ENPEP: variants seen among roughly 807,000 people sequenced by gnomAD.
ENPEP encodes glutamyl aminopeptidase.
In ENPEP, 103 loss-of-function variants were observed where a neutral mutation model predicts 114.5. The observed-to-expected ratio is 0.90, with a 90% CI of 0.77 to 1.06. The LOEUF (loss-of-function observed/expected upper bound fraction) is 1.06. Among genes scored for constraint, ENPEP ranks in the 50% least tolerant of loss-of-function variants. The pLI is 0.00. For missense variants in ENPEP, 1,196 were observed against 1,161.3 expected, an observed-to-expected ratio of 1.03 and a Z score of -0.43; for synonymous variants, 420 against 422.0, an observed-to-expected ratio of 1.00 and a Z score of 0.06.
Position 110,488,682 on chromosome 4 carries a change from GGTAA to G in ENPEP, c.786+4_786+7del, listed in dbSNP as rs1560551623. On this transcript the variant is annotated splice_donor_variant and splice_donor_region_variant and intron_variant, in intron 2 of 19. Transcript: ENST00000265162. LOFTEE classifies it high-confidence loss of function. ...GAGCACTTTCAAATATGCCAGTGGC[GGTAA>G]GTATTTTTTAAATGTTTTGTTTATG... 1.2e-6 allele frequency: 2 copies of G among 1,606,346 alleles called. No individual in the cohort carries two copies. The highest frequency in any genetic ancestry group is 1.7e-5 in the Admixed American group (1 of 57,898).
In ENPEP at chr4:110,476,388, G is replaced by A. The variant is rs1724096939; in HGVS notation, c.-27G>A. 2 of 1,508,764 alleles carry A rather than the reference G, an allele frequency of 1.3e-6. No individual in the cohort carries two copies. The highest frequency in any genetic ancestry group is 8.9e-7 in the Non-Finnish European group (1 of 1,127,520). The allele number at this position is 1,508,764 out of a possible 1,614,324, so 93.5% of individuals were successfully genotyped here. On this transcript the variant is annotated 5_prime_UTR_variant, in exon 1 of 20. The change creates a new upstream start codon in the 5' untranslated region. Coordinates refer to ENST00000265162, the MANE Select transcript of ENPEP (RefSeq NM_001977.4). ...TTAGTTAAATTTAACATCTTTTTAT[G>A]TGTAACACTTGACTTTGGAAGCAAA...
chr4:110,536,693 T>G lies in ENPEP; in HGVS notation c.1807+5416T>G, dbSNP rs190269704. Among the ~76,000 whole-genome samples, 7 of 152,296 alleles carry G rather than the reference T, an allele frequency of 4.6e-5. No individual in the cohort carries two copies. In the East Asian group the frequency reaches 1.4e-3, roughly 29 times the overall value. The stretch of plus-strand genomic sequence containing the variant: ...TTGGCACCTACTTCCATGGGCACAC[T>G]GGAGACACATTGACAGATCTTCACT... On this transcript the variant is annotated intron_variant, in intron 11 of 19. Coordinates refer to ENST00000265162, the MANE Select transcript of ENPEP (RefSeq NM_001977.4).
chr4:110,541,331 C>G lies in ENPEP; in HGVS notation c.1808-1420C>G, dbSNP rs542069110. ...CATATTTCCTCCCAAACTGACTCAC[C>G]TTCCTCTATTCTCTACTGGCAGCAC... On this transcript the variant is annotated intron_variant, in intron 11 of 19. Transcript: ENST00000265162. 2.0e-5 allele frequency among the ~76,000 whole-genome samples: 3 copies of G among 152,212 alleles called. No homozygotes were observed. In the South Asian group the frequency reaches 6.2e-4, roughly 32 times the overall value.
chr4:110,484,939 A>T (rs938176597), intron 1 of ENPEP, among the ~76,000 whole-genome samples: 33 of 148,774 alleles, frequency 2.2e-4, no homozygotes, highest in Non-Finnish European at 3.9e-4. Flanking sequence ...GCACACTCAC[A>T]CACACTCATC....
intron 13 of ENPEP, among the ~76,000 whole-genome samples, chr4:110,543,442 C>A (rs533440253): frequency 6.6e-6 from 1 of 151,926 alleles, no homozygotes; most frequent in Admixed American, 6.6e-5. Flanking sequence ...TCTGTGAGCC[C>A]GAGCCCAGTG....
chr4:110,497,457 A>G (rs1724986600), intron 3 of ENPEP, among the ~76,000 whole-genome samples: 1 of 152,142 alleles, frequency 6.6e-6, no homozygotes, highest in Non-Finnish European at 1.5e-5. Context: ...AAATAATAAA[A>G]ATAATGTAAG....
intron 10 of ENPEP, among the ~76,000 whole-genome samples, chr4:110,522,209 C>A (rs1290213867): frequency 6.6e-6 from 1 of 150,414 alleles, no homozygotes; most frequent in African/African-American, 2.4e-5. Flanking sequence ...TTGAGACAAA[C>A]TCTCACTCTG....
At chr4:110,519,245 C>T in intron 8 of ENPEP, 1 of 346,476 alleles carries the variant, frequency 2.9e-6, no homozygotes, top group Non-Finnish European at 5.9e-6. Context: ...TTAGGTACAG[C>T]ACCTACTGAA....
chr4:110,476,194 C>T lies in ENPEP; in HGVS notation c.-221C>T, dbSNP rs1724089180. 2 of 527,440 alleles carry T rather than the reference C, an allele frequency of 3.8e-6. No homozygotes were observed. Among genetic ancestry groups the T allele is most frequent in the Non-Finnish European group, 3.2e-6 (1 of 307,712 alleles). 32.7% of individuals were successfully genotyped at this position (527,440 alleles called of 1,614,324 possible). On this transcript the variant is annotated 5_prime_UTR_variant, in exon 1 of 20. Coordinates refer to ENST00000265162, the MANE Select transcript of ENPEP (RefSeq NM_001977.4). ...TCCCACTCGGCTCCTCTTACGGAGT[C>T]CTCATTCCACCCCCCTTGTTTCCGC...
Position 110,519,928 on chromosome 4 carries a change from G to A in ENPEP, c.1510-80G>A. 3.9e-6 allele frequency: 5 copies of A among 1,279,992 alleles called. No individual in the cohort carries two copies. In the South Asian group the frequency reaches 6.4e-5, roughly 16 times the overall value. The allele number at this position is 1,279,992 out of a possible 1,614,324, so 79.3% of individuals were successfully genotyped here. On this transcript the variant is annotated intron_variant, in intron 8 of 19. Transcript: ENST00000265162. ...TGCGCAATGGAGGTAGAATTGAGTAGCAGGGGTTCAGTTCATCTTGTGAAA... is the reference window on the plus strand; with the variant it reads ...TGCGCAATGGAGGTAGAATTGAGTAACAGGGGTTCAGTTCATCTTGTGAAA...
Position 110,476,569 on chromosome 4 carries a change from G to T in ENPEP, c.155G>T (p.Gly52Val), listed in dbSNP as rs1408137787. Residue 52 changes from glycine to valine, a missense_variant, in exon 1 of 20, where the codon GGC becomes GTC. Coordinates refer to ENST00000265162, the MANE Select transcript of ENPEP (RefSeq NM_001977.4). ...GACTCCAGCGGGGACGGCGGGCCGG[G>T]CACTGCGCCAGCTCCTTCCCACCTG... ...SCDSSGDGGP[G>V]TAPAPSHLPS... 1.2e-6 allele frequency: 2 copies of T among 1,613,440 alleles called. No homozygotes were observed. Among genetic ancestry groups the T allele is most frequent in the African/African-American group, 2.7e-5 (2 of 74,920 alleles).
intron 4 of ENPEP, among the ~76,000 whole-genome samples, 171 bp from the exon 5 acceptor site, chr4:110,509,482 C>T (rs3817391): frequency 0.89 from 134,782 of 152,278 alleles, 59,808 homozygotes; most frequent in African/African-American, 0.94. Context: ...TCTATGGAAA[C>T]TTTGAGTGCA....
intron 13 of ENPEP, among the ~76,000 whole-genome samples, chr4:110,545,953 C>G (rs1291389420): frequency 6.6e-6 from 1 of 152,014 alleles, no homozygotes; most frequent in Non-Finnish European, 1.5e-5. Context: ...GACACCAAGC[C>G]ACGGTGCCTC....
At chr4:110,482,351 C>T (rs911194776) in intron 1 of ENPEP, among the ~76,000 whole-genome samples, 2 of 152,106 alleles carry the variant, frequency 1.3e-5, no homozygotes, top group Non-Finnish European at 2.9e-5. Context: ...GCCTTCACCT[C>T]AATTGATATT....
intron 19 of ENPEP, 23 bp downstream of exon 19, chr4:110,559,748 A>G (rs367942119): frequency 6.3e-7 from 1 of 1,589,094 alleles, no homozygotes; most frequent in Admixed American, 1.7e-5. Context: ...ATTCCTCTGC[A>G]TTTGTCCAAG....
At chr4:110,485,571 G>C (rs902143185) in intron 1 of ENPEP, among the ~76,000 whole-genome samples, 2 of 152,130 alleles carry the variant, frequency 1.3e-5, no homozygotes, top group African/African-American at 2.4e-5. Flanking sequence ...GTCTGTAATA[G>C]AATTTTATCA....
chr4:110,561,780 G>A lies in ENPEP; in HGVS notation c.*222G>A. ...ATATACTCAGGGATTCCTTCTAAGTGTACTTCATAAGATATTCTTTACAAA... is the reference window on the plus strand; with the variant it reads ...ATATACTCAGGGATTCCTTCTAAGTATACTTCATAAGATATTCTTTACAAA... On this transcript the variant is annotated 3_prime_UTR_variant, in exon 20 of 20. Coordinates refer to ENST00000265162, the MANE Select transcript of ENPEP (RefSeq NM_001977.4). 1 of 387,650 alleles carries A rather than the reference G, an allele frequency of 2.6e-6. No homozygotes were observed. Among genetic ancestry groups the A allele is most frequent in the East Asian group, 4.4e-5 (1 of 22,908 alleles). 24.0% of individuals were successfully genotyped at this position (387,650 alleles called of 1,614,324 possible). A position where few individuals can be genotyped will look rare whatever the true frequency, so the allele number is the denominator to read the frequency against.
chr4:110,519,915 G>T, intron 8 of ENPEP, 93 bp from the exon 9 acceptor site: 2 of 1,112,128 alleles, frequency 1.8e-6, no homozygotes, highest in South Asian at 1.4e-5. Flanking sequence ...CGCAATGGAG[G>T]TAGAATTGAG....
intron 18 of ENPEP, among the ~76,000 whole-genome samples, chr4:110,558,796 A>T (rs1560572649): frequency 6.6e-6 from 1 of 152,138 alleles, no homozygotes. Context: ...CTTTTTATGA[A>T]AGAAAATGCA....
Sources: gnomAD v4.1 joint callset for allele counts (sites outside exome capture counted in the v4.1 genomes callset) on GRCh38, gnomAD v4.1.1 for gene constraint, MANE v1.5 for transcripts, NCBI Gene and HGNC (gene_info 2026-07-23, HGNC 2026-07-21) for gene names.